WDFY4: variants seen among roughly 807,000 people sequenced by gnomAD.
The protein encoded by WDFY4 is WDFY family member 4.
A neutral mutation model predicts 351.9 loss-of-function variants in WDFY4; 169 were observed. The ratio of observed to expected loss-of-function variants is 0.48; its 90% CI spans 0.42 to 0.55. The LOEUF is 0.55. Among genes scored for constraint, WDFY4 ranks in the 20% least tolerant of loss-of-function variants. The pLI is 0.00. For missense variants in WDFY4, 3,803 were observed against 3,935.6 expected, an observed-to-expected ratio of 0.97 and a Z score of 0.90; for synonymous variants, 1,622 against 1,574.6, an observed-to-expected ratio of 1.03 and a Z score of -0.71.
At chr10:48,943,591 C>A in intron 49 of WDFY4, 142 bp downstream of exon 49, 2 of 864,284 alleles carry the variant, frequency 2.3e-6, no homozygotes, top group Non-Finnish European at 3.3e-6. Context: ...TGCTGAAGCT[C>A]AGATCTCTTT....
chr10:48,823,369 C>T, intron 35 of WDFY4: 1 of 1,254,512 alleles, frequency 8.0e-7, no homozygotes, highest in African/African-American at 1.6e-5. Flanking sequence ...TGCCAGCAGT[C>T]CTGGTTATGC....
chr10:48,897,707 G>A (rs1485017565), intron 45 of WDFY4, 133 bp downstream of exon 45: 7 of 1,377,100 alleles, frequency 5.1e-6, no homozygotes, highest in Middle Eastern at 2.4e-4. Context: ...TGCCCTTAAG[G>A]AGACACCCGC....
chr10:48,782,927 G>C (rs369502400), intron 19 of WDFY4, among the ~76,000 whole-genome samples: 2 of 152,166 alleles, frequency 1.3e-5, no homozygotes, highest in Non-Finnish European at 2.9e-5. Flanking sequence ...GGGTTGGAGG[G>C]GTGAGTGGTG....
chr10:48,883,586 G>A (rs1297447178), intron 43 of WDFY4, among the ~76,000 whole-genome samples: 2 of 152,186 alleles, frequency 1.3e-5, no homozygotes, highest in African/African-American at 2.4e-5. Flanking sequence ...TGGCAGGACT[G>A]TGTGCATGCT....
At chr10:48,851,517 A>G (rs1462611407) in intron 39 of WDFY4, among the ~76,000 whole-genome samples, 1 of 152,204 alleles carries the variant, frequency 6.6e-6, no homozygotes, top group African/African-American at 2.4e-5. Context: ...GTTTAGTCCC[A>G]GGCCTGACAT....
At chr10:48,781,931 T>C (rs1037926738) in intron 19 of WDFY4, among the ~76,000 whole-genome samples, 3 of 152,224 alleles carry the variant, frequency 2.0e-5, no homozygotes, top group Admixed American at 2.0e-4. Flanking sequence ...AAACTGACTA[T>C]AGCAAGAGAT....
At position 48,873,679 on chromosome 10, in the gene WDFY4, G is replaced by A; in HGVS notation, c.6930G>A (p.Leu2310=). Residue 2310 remains leucine, a synonymous_variant, in exon 41 of 62, where the codon CTG becomes CTA. Coordinates refer to ENST00000325239, the MANE Select transcript of WDFY4 (RefSeq NM_001394531.1). ...RIKRLSPLEA[L]SSGRHKESQD... Reference sequence around the variant, plus strand: ...AACGCTTGTCTCCTTTGGAGGCCCTGAGCTCAGGAAGGCACAAGGTAGGAG... The same window carrying A: ...AACGCTTGTCTCCTTTGGAGGCCCTAAGCTCAGGAAGGCACAAGGTAGGAG... 6.4e-7 allele frequency: 1 copy of A among 1,551,830 alleles called. No individual in the cohort carries two copies. Among genetic ancestry groups the A allele is most frequent in the Non-Finnish European group, 8.7e-7 (1 of 1,147,022 alleles).
At chr10:48,737,477 T>C (rs1043408302) in intron 11 of WDFY4, among the ~76,000 whole-genome samples, 2 of 152,218 alleles carry the variant, frequency 1.3e-5, no homozygotes, top group African/African-American at 2.4e-5. Flanking sequence ...TGTTTCATCA[T>C]ACTTACTTTA....
intron 7 of WDFY4, among the ~76,000 whole-genome samples, chr10:48,729,020 C>T (rs180813246): frequency 5.9e-5 from 9 of 152,346 alleles, no homozygotes; most frequent in African/African-American, 2.2e-4. Flanking sequence ...AATTAAAATA[C>T]AAAAGCCACA....
intron 11 of WDFY4, among the ~76,000 whole-genome samples, chr10:48,736,875 C>G (rs7089017): frequency 0.79 from 120,008 of 152,150 alleles, 47,867 homozygotes; most frequent in Non-Finnish European, 0.85. Context: ...TGTGGAAACA[C>G]GGGGCACAAA....
chr10:48,947,076 C>A, intron 51 of WDFY4, 107 bp downstream of exon 51: 1 of 965,278 alleles, frequency 1.0e-6, no homozygotes, highest in Non-Finnish European at 1.5e-6. Context: ...GATGCCTCTG[C>A]TAAAAACTCA....
chr10:48,864,853 AT>A (rs1311584012), intron 39 of WDFY4, among the ~76,000 whole-genome samples: 1 of 152,014 alleles, frequency 6.6e-6, no homozygotes, highest in African/African-American at 2.4e-5. Flanking sequence ...TTCTTAATTT[AT>A]TTTTTGGATT....
At chr10:48,903,025 G>A (rs899062241) in intron 47 of WDFY4, among the ~76,000 whole-genome samples, 1 of 152,084 alleles carries the variant, frequency 6.6e-6, no homozygotes, top group Non-Finnish European at 1.5e-5. Flanking sequence ...TGGGAGAATC[G>A]CTTGAACCCA....
In WDFY4 at chr10:48,970,178, C is replaced by T. The variant is rs117117760; in HGVS notation, c.8817C>T (p.Cys2939=). The change falls in exon 57 of 62, where the codon TGC becomes TGT. Residue 2939 remains cysteine, a synonymous_variant. Transcript: ENST00000325239. ...TGGCTGCCTGGGGCCGCTGTCTGTG[C>T]GCCGTGTGCCCATCCCCAACAACGA... ...ENLAAWGRCL[C]AVCPSPTTIV... is the part of the protein sequence containing the mutation. The T allele has an allele frequency of 2.5e-3, 3,867 of 1,551,704 alleles. 5 individuals are homozygous for T. The highest frequency in any genetic ancestry group is 5.8e-3 in the Middle Eastern group (35 of 5,992).
chr10:48,812,569 T>A (rs1178762113), intron 30 of WDFY4, among the ~76,000 whole-genome samples: 2 of 152,202 alleles, frequency 1.3e-5, no homozygotes, highest in Non-Finnish European at 2.9e-5. Context: ...TTCAGCTGCA[T>A]CCCACCTAAA....
intron 13 of WDFY4, among the ~76,000 whole-genome samples, chr10:48,769,209 G>A (rs1042058537): frequency 6.6e-6 from 1 of 152,146 alleles, no homozygotes; most frequent in Admixed American, 6.5e-5. Context: ...TGGTTCCATG[G>A]GGGTTGGAAT....
intron 1 of WDFY4, among the ~76,000 whole-genome samples, chr10:48,688,351 A>C (rs189801657): frequency 1.3e-5 from 2 of 152,326 alleles, no homozygotes; most frequent in African/African-American, 4.8e-5. Flanking sequence ...AGAAAAAAAA[A>C]CTATGTTCAG....
At position 48,789,971 on chromosome 10, in the gene WDFY4, C is replaced by T. The variant is rs1332517480; in HGVS notation, c.4052C>T (p.Ala1351Val). The T allele has an allele frequency of 6.4e-7, 1 of 1,552,202 alleles. No individual in the cohort carries two copies. The highest frequency in any genetic ancestry group is 2.0e-5 in the Admixed American group (1 of 50,990). Residue 1351 changes from alanine (A) to valine (V), a missense_variant, in exon 22 of 62, where the codon GCT becomes GTT. By Grantham distance (64) the Ala-to-Val change is moderately conservative. Coordinates refer to ENST00000325239, the MANE Select transcript of WDFY4 (RefSeq NM_001394531.1). ...SGSLRTIGAV[A>V]VGQLGVRVFH... ...TCTCTGCGGACCATTGGAGCTGTTG[C>T]TGTGGGTCAATTAGGTATGTTCAAC...
intron 39 of WDFY4, among the ~76,000 whole-genome samples, chr10:48,854,432 T>A (rs1207258219): frequency 6.6e-6 from 1 of 151,962 alleles, no homozygotes; most frequent in South Asian, 2.1e-4. Context: ...TTTCAACTGA[T>A]CTTATTAATG....
Sources: gnomAD v4.1 joint callset for allele counts (sites outside exome capture counted in the v4.1 genomes callset) on GRCh38, gnomAD v4.1.1 for gene constraint, MANE v1.5 for transcripts, NCBI Gene and HGNC (gene_info 2026-07-23, HGNC 2026-07-21) for gene names.